Variants in SLC2A9 observed in about 807,000 individuals in gnomAD.
SLC2A9 encodes solute carrier family 2, facilitated glucose transporter member 9.
In SLC2A9, 39 loss-of-function variants were observed where a neutral mutation model predicts 50.6. The ratio of observed to expected loss-of-function variants is 0.77; its 90% CI spans 0.60 to 1.01. The LOEUF (loss-of-function observed/expected upper bound fraction) is 1.01, where lower values mean the gene tolerates loss of function less well. Among genes scored for constraint, SLC2A9 ranks in the 50% least tolerant of loss-of-function variants. The pLI, the probability that SLC2A9 is intolerant of heterozygous loss-of-function variation, is 0.00. For synonymous variants in SLC2A9, 324 were observed against 276.9 expected, an observed-to-expected ratio of 1.17 and a Z score of -1.69; for missense variants, 686 against 677.6, an observed-to-expected ratio of 1.01 and a Z score of -0.14.
downstream of SLC2A9, among the ~76,000 whole-genome samples, chr4:9,798,121 G>T (rs188023458): frequency 1.5e-3 from 235 of 152,254 alleles, no homozygotes; most frequent in African/African-American, 5.0e-3. Context: ...AGTCAGGATG[G>T]GTCTGGTGCA....
intron 5 of SLC2A9, among the ~76,000 whole-genome samples, chr4:9,980,304 G>T (rs1755505676): frequency 6.6e-6 from 1 of 152,136 alleles, no homozygotes; most frequent in African/African-American, 2.4e-5. Flanking sequence ...GTTTATATAG[G>T]TTTTTAAAGC....
intron 2 of SLC2A9, among the ~76,000 whole-genome samples, chr4:10,005,462 C>T (rs9291640): frequency 0.72 from 109,482 of 152,100 alleles, 40,238 homozygotes; most frequent in Non-Finnish European, 0.81. Flanking sequence ...GGTTTTAGCA[C>T]GGAATTGATA....
intron 1 of SLC2A9, chr4:10,036,164 C>T (rs1764099652): frequency 6.5e-6 from 1 of 153,280 alleles, no homozygotes; most frequent in Non-Finnish European, 1.5e-5. Flanking sequence ...CAGATTATAA[C>T]ACGTTTTCTG....
chr4:9,911,023 T>G (rs948644731), intron 7 of SLC2A9, among the ~76,000 whole-genome samples: 17 of 151,720 alleles, frequency 1.1e-4, no homozygotes, highest in East Asian at 1.9e-4. Context: ...AGAGGAGGGA[T>G]GGCATTAGGA....
At chr4:9,937,036 C>T (rs1747213044) in intron 6 of SLC2A9, among the ~76,000 whole-genome samples, 1 of 152,178 alleles carries the variant, frequency 6.6e-6, no homozygotes, top group Non-Finnish European at 1.5e-5. Flanking sequence ...ACGTTGAGAA[C>T]TTCCTCCCAG....
At position 9,920,686 on chromosome 4, in the gene SLC2A9, C is replaced by A; in HGVS notation, c.815-114G>T. On this transcript the variant is annotated intron_variant, in intron 6 of 11. Coordinates refer to ENST00000264784, the MANE Select transcript of SLC2A9 (RefSeq NM_020041.3). ...CCTAGCCACACACCTTAGCTGGGGG[C>A]GGAACTTGGCAGGGGCCTTTGAAAC... The A allele has an allele frequency of 6.4e-6, 8 of 1,253,130 alleles. No homozygotes were observed. The South Asian group carries it at 7.6e-5, about 12-fold the overall frequency. The allele number at this position is 1,253,130 out of a possible 1,614,324, so 77.6% of individuals were successfully genotyped here.
chr4:9,795,779 G>C (rs1263905887), downstream of SLC2A9, among the ~76,000 whole-genome samples: 3 of 152,200 alleles, frequency 2.0e-5, no homozygotes, highest in Admixed American at 2.0e-4. Context: ...TTGTCCCTGA[G>C]TCCTGTTTCC....
At chr4:9,934,775 T>G (rs909357491) in intron 6 of SLC2A9, among the ~76,000 whole-genome samples, 2 of 152,240 alleles carry the variant, frequency 1.3e-5, no homozygotes, top group African/African-American at 2.4e-5. Context: ...AAGTCCTGCA[T>G]GCATTAGCTA....
chr4:9,972,219 C>G (rs1222074862), intron 5 of SLC2A9, among the ~76,000 whole-genome samples: 1 of 152,150 alleles, frequency 6.6e-6, no homozygotes, highest in Non-Finnish European at 1.5e-5. Context: ...CAAAGTTAAT[C>G]ATTCTTATCT....
At chr4:9,813,929 C>T (rs1336892012) in intron 3 of SLC2A9, among the ~76,000 whole-genome samples, 1 of 151,876 alleles carries the variant, frequency 6.6e-6, no homozygotes. Context: ...AACCCCATCT[C>T]TACTAAAAAT....
At chr4:9,929,093 T>C (rs919428974) in intron 6 of SLC2A9, among the ~76,000 whole-genome samples, 6 of 152,240 alleles carry the variant, frequency 3.9e-5, no homozygotes, top group Admixed American at 2.6e-4. Flanking sequence ...TTTTGAGCTA[T>C]CCACGTTGCA....
chr4:10,006,483 G>A (rs1292136871), intron 2 of SLC2A9: 1 of 152,164 alleles, frequency 6.6e-6, no homozygotes, highest in African/African-American at 2.4e-5. Context: ...TGAACACACT[G>A]GCACAGGGAA....
chr4:9,887,711 C>T (rs2109744659), intron 9 of SLC2A9, 69 bp from the exon 10 acceptor site: 2 of 1,264,280 alleles, frequency 1.6e-6, no homozygotes, highest in South Asian at 1.8e-5. Flanking sequence ...GTTCCCACCC[C>T]AGCTCCTCCT....
In SLC2A9 at chr4:9,782,582, G is replaced by A. The variant is rs1422616269; in HGVS notation, n.386-2517C>T. 8.1e-6 allele frequency: 13 copies of A among 1,613,826 alleles called. No individual in the cohort carries two copies. The highest frequency in any genetic ancestry group is 2.2e-5 in the East Asian group (1 of 44,884). Reference sequence around the variant, plus strand: ...CCAGCTCAACTGGCACAGGGACCAGGCGGCCTCTTGGGGCGGGCTGGACCT... The same window carrying A: ...CCAGCTCAACTGGCACAGGGACCAGACGGCCTCTTGGGGCGGGCTGGACCT... On this transcript the variant is annotated intron_variant and non_coding_transcript_variant, in intron 3 of 3. Coordinates refer to the SLC2A9 transcript ENST00000503803.
At chr4:9,802,419 C>T (rs774176944) in intron 3 of SLC2A9, among the ~76,000 whole-genome samples, 3 of 151,836 alleles carry the variant, frequency 2.0e-5, no homozygotes, top group Admixed American at 6.6e-5. Flanking sequence ...GGACAGCCAG[C>T]GCCATACTTG....
chr4:9,801,982 T>C (rs1376691281), intron 3 of SLC2A9, among the ~76,000 whole-genome samples: 1 of 152,190 alleles, frequency 6.6e-6, no homozygotes, highest in South Asian at 2.1e-4. Context: ...GCTGATTGAT[T>C]GGGCAGCTGT....
intron 7 of SLC2A9, among the ~76,000 whole-genome samples, chr4:9,913,911 CT>C (rs1440000107): frequency 7.2e-5 from 11 of 152,234 alleles, no homozygotes; most frequent in African/African-American, 2.7e-4. Flanking sequence ...GTCTCCCCCT[CT>C]CTAACCTTTT....
chr4:9,826,994 G>T (rs1725253681), intron 11 of SLC2A9, among the ~76,000 whole-genome samples: 1 of 152,220 alleles, frequency 6.6e-6, no homozygotes. Flanking sequence ...AAAGGGAAGA[G>T]AAATGCCTTA....
At chr4:9,788,492 C>T (rs1469448370) in intron 3 of SLC2A9, among the ~76,000 whole-genome samples, 7 of 151,854 alleles carry the variant, frequency 4.6e-5, no homozygotes, top group Non-Finnish European at 1.0e-4. Context: ...ATGCCCAGCC[C>T]GGGTTTCTAG....
Sources: allele counts gnomAD v4.1 joint callset (sites outside exome capture counted in the v4.1 genomes callset), GRCh38; gene constraint gnomAD v4.1.1; transcripts MANE v1.5; gene names NCBI Gene and HGNC (gene_info 2026-07-23, HGNC 2026-07-21).